TJP3: variants seen among roughly 807,000 people sequenced by gnomAD.
The protein encoded by TJP3 is tight junction protein 3, also known as tight junction protein ZO-3.
TJP3 carries 85 observed loss-of-function variants against 104.2 expected under a neutral mutation model. That is an observed-to-expected ratio of 0.82 (90% CI 0.68 to 0.98). TJP3 has a LOEUF of 0.98. Among genes scored for constraint, TJP3 ranks in the 50% least tolerant of loss-of-function variants. The probability of loss-of-function intolerance (pLI) is 0.00; values close to 1 mark genes in which losing one functional copy is unlikely to be tolerated. For missense variants in TJP3, 1,367 were observed against 1,322.8 expected (o/e 1.03, Z -0.52); for synonymous variants, 550 against 550.6 (o/e 1.00, Z 0.02).
Position 3,733,976 on chromosome 19 carries a change from C to T in TJP3, c.877+64C>T, listed in dbSNP as rs185147259. On this transcript the variant is annotated intron_variant, in intron 7 of 20. Transcript: ENST00000541714. ...TGGATGGCAGGGAAGGTGGGAAGCC[C>T]CAGGCAGGGCCAAGGAATCAATGAG... is the stretch of plus-strand genomic sequence containing the variant. 58 of 1,564,284 alleles carry T rather than the reference C, an allele frequency of 3.7e-5. No individual in the cohort carries two copies. The African/African-American group carries it at 7.6e-4, about 20-fold the overall frequency.
At chr19:3,726,413 C>T (rs991444810) in intron 1 of TJP3, among the ~76,000 whole-genome samples, 20 of 152,128 alleles carry the variant, frequency 1.3e-4, no homozygotes, top group African/African-American at 4.8e-4. Context: ...GCCTGGCCAA[C>T]ATGGTGAGAC....
rs1278529818 is a variant in TJP3, at chr19:3,747,844, CGA to C, written c.2374_2375del (p.Asp792GlnfsTer4). The C allele has an allele frequency of 6.2e-7, 1 of 1,610,176 alleles. No homozygotes were observed. Among genetic ancestry groups the C allele is most frequent in the East Asian group, 2.2e-5 (1 of 44,864 alleles). ...NLDLPHHGLA[D>X]SSADLSCDSR... ...TAGACCTCCCTCACCACGGCCTGGC[CGA>C]CAGCTCCGCTGACCTCAGCTGCGAC... On this transcript the variant is annotated frameshift_variant, in exon 19 of 21. Coordinates refer to ENST00000541714, the MANE Select transcript of TJP3 (RefSeq NM_001267560.2). LOFTEE classifies it high-confidence loss of function.
intron 1 of TJP3, among the ~76,000 whole-genome samples, chr19:3,717,706 T>C (rs111298787): frequency 0.034 from 5,126 of 151,956 alleles, 303 homozygotes; most frequent in African/African-American, 0.12. Context: ...AGTGCTGGGA[T>C]GACAGGCATG....
chr19:3,740,631 C>G lies in TJP3; in HGVS notation c.1711C>G (p.Arg571Gly). The G allele has an allele frequency of 1.3e-6, 2 of 1,592,962 alleles. No individual in the cohort carries two copies. Among genetic ancestry groups the G allele is most frequent in the Non-Finnish European group, 1.7e-6 (2 of 1,171,028 alleles). Residue 571 changes from arginine to glycine, a missense_variant, in exon 14 of 21, where the codon CGG (arginine) becomes GGG (glycine). Transcript: ENST00000541714. ...GPGSSAGSNA[R>G]AEFWRLRGLR... ...CGGCTCCTCCGCGGGCTCCAATGCT[C>G]GGGCCGAGTTCTGGCGGCTGCGGGG...
chr19:3,723,784 C>T (rs1464408208), intron 1 of TJP3, among the ~76,000 whole-genome samples: 1 of 132,832 alleles, frequency 7.5e-6, no homozygotes, highest in Admixed American at 8.3e-5. Context: ...CAGAGTGACA[C>T]TCTGTCTCAA....
intron 7 of TJP3, 138 bp downstream of exon 7, chr19:3,734,050 A>G: frequency 8.3e-7 from 1 of 1,201,598 alleles, no homozygotes; most frequent in South Asian, 1.5e-5. Flanking sequence ...TGAAGGCCAC[A>G]CAGCAAGTCA....
At chr19:3,734,241 A>G in intron 7 of TJP3, 86 bp from the exon 8 acceptor site, 1 of 1,386,526 alleles carries the variant, frequency 7.2e-7, no homozygotes, top group Non-Finnish European at 1.0e-6. Flanking sequence ...CCCTTTGTTT[A>G]GAGGGGTGTT....
chr19:3,721,868 G>A, intron 1 of TJP3: 2 of 1,225,198 alleles, frequency 1.6e-6, no homozygotes, highest in Non-Finnish European at 2.0e-6. Flanking sequence ...TCGGGTAGGG[G>A]GGCTGGAGAG....
rs192979506 is a variant in TJP3, at chr19:3,729,878, T to G, written c.159-150T>G. The G allele has an allele frequency of 5.6e-5, 36 of 637,254 alleles. No individual in the cohort carries two copies. In the East Asian group the frequency reaches 9.8e-4, roughly 17 times the overall value. The allele number at this position is 637,254 out of a possible 1,614,324, so 39.5% of individuals were successfully genotyped here. ...GTGAGAAAACGGAGGCCCAGAAGGA[T>G]AAATGTCTTTGTGAACCTAGGGACA... is the stretch of plus-strand genomic sequence containing the variant. On this transcript the variant is annotated intron_variant, in intron 3 of 20. Coordinates refer to ENST00000541714, the MANE Select transcript of TJP3 (RefSeq NM_001267560.2).
intron 6 of TJP3, 139 bp from the exon 7 acceptor site, chr19:3,733,614 A>T: frequency 8.7e-7 from 1 of 1,148,348 alleles, no homozygotes; most frequent in Non-Finnish European, 1.3e-6. Context: ...ATCCAATTCA[A>T]CACTTTCCTT....
chr19:3,717,626 G>C (rs1362473752), intron 1 of TJP3, among the ~76,000 whole-genome samples: 2 of 150,638 alleles, frequency 1.3e-5, no homozygotes, highest in Non-Finnish European at 3.0e-5. Context: ...TGTAGAGATG[G>C]GTTTTGCCCT....
intron 14 of TJP3, among the ~76,000 whole-genome samples, chr19:3,742,128 T>A (rs2036830167): frequency 6.6e-6 from 1 of 152,160 alleles, no homozygotes; most frequent in Non-Finnish European, 1.5e-5. Context: ...GCAATAATAA[T>A]AATTTTAATA....
At chr19:3,729,882 T>C (rs572692103) in intron 3 of TJP3, 146 bp from the exon 4 acceptor site, 3 of 641,888 alleles carry the variant, frequency 4.7e-6, no homozygotes, top group East Asian at 5.4e-5. Context: ...GAAGGATAAA[T>C]GTCTTTGTGA....
intron 19 of TJP3, among the ~76,000 whole-genome samples, chr19:3,749,294 T>C (rs1385671182): frequency 6.6e-6 from 1 of 152,146 alleles, no homozygotes; most frequent in Non-Finnish European, 1.5e-5. Context: ...TTTTGGCACA[T>C]AGTAGTTGCG....
intron 13 of TJP3, 75 bp from the exon 14 acceptor site, chr19:3,740,477 G>A: frequency 1.0e-6 from 1 of 987,420 alleles, no homozygotes; most frequent in Non-Finnish European, 1.4e-6. Context: ...AGGCTCCGAG[G>A]GGTAGGACGA....
Position 3,739,109 on chromosome 19 carries a change from C to CGG in TJP3, c.1609_1610dup (p.Ile538AlafsTer62), listed in dbSNP as rs2036778212. On this transcript the variant is annotated frameshift_variant, in exon 13 of 21. Transcript: ENST00000541714. LOFTEE classifies it high-confidence loss of function. ...GGGTCGTGACCTGCGGGAGCAAGAG[C>CGG]GGGGCATCATTCCCAACCAGAGCAG... 6.4e-7 allele frequency: 1 copy of CGG among 1,570,992 alleles called. No homozygotes were observed. The highest frequency in any genetic ancestry group is 1.3e-5 in the African/African-American group (1 of 74,222).
chr19:3,725,694 C>CA (rs11412351), intron 1 of TJP3, among the ~76,000 whole-genome samples: 22,496 of 118,992 alleles, frequency 0.19, 2,647 homozygotes, highest in African/African-American at 0.36. Context: ...AACCCCATCT[C>CA]AAAAAAAAAA....
Position 3,750,167 on chromosome 19 carries a change from G to T in TJP3, c.2640G>T (p.Trp880Cys), listed in dbSNP as rs769823147. The T allele has an allele frequency of 1.7e-5, 27 of 1,613,620 alleles. No homozygotes were observed. The Admixed American group carries it at 4.5e-4, about 27-fold the overall frequency. ...ACAGCCGCCACCCCCAGGGACAGTG[G>T]CGACAGGACAGCATGCGGTAAGAAC... ...QVDSRHPQGQ[W>C]RQDSMRTYER... The change falls in exon 20 of 21, where the codon TGG becomes TGT. Residue 880 changes from tryptophan to cysteine, a missense_variant. By Grantham distance (215) the Trp-to-Cys change is radical. Coordinates refer to ENST00000541714, the MANE Select transcript of TJP3 (RefSeq NM_001267560.2).
At position 3,743,829 on chromosome 19, in the gene TJP3, TG is replaced by T. The variant is rs991252577; in HGVS notation, c.1844-108del. 8 of 990,780 alleles carry T rather than the reference TG, an allele frequency of 8.1e-6. No individual in the cohort carries two copies. The African/African-American group carries it at 1.1e-4, about 14-fold the overall frequency. The allele number at this position is 990,780 out of a possible 1,614,324, so 61.4% of individuals were successfully genotyped here. ...GTATTTGGCTGGGTAGCTATGGTCCTGGTTAAATAGGCTGTTTACTATAAGG... is the reference window on the plus strand; with the variant it reads ...GTATTTGGCTGGGTAGCTATGGTCCTGTTAAATAGGCTGTTTACTATAAGG... On this transcript the variant is annotated intron_variant, in intron 14 of 20. Transcript: ENST00000541714.
Sources: gnomAD v4.1 joint callset for allele counts (sites outside exome capture counted in the v4.1 genomes callset) on GRCh38, gnomAD v4.1.1 for gene constraint, MANE v1.5 for transcripts, NCBI Gene and HGNC (gene_info 2026-07-23, HGNC 2026-07-21) for gene names.